The following IMPG2 variants were observed in gnomAD, a reference collection of about 807,000 sequenced individuals.
IMPG2 encodes IPM 200.
IMPG2 carries 91 observed loss-of-function variants against 129.2 expected under a neutral mutation model. The observed-to-expected ratio is 0.70, with a 90% CI of 0.59 to 0.84. IMPG2 has a LOEUF of 0.84. Among genes scored for constraint, IMPG2 ranks in the 40% least tolerant of loss-of-function variants. The probability of loss-of-function intolerance (pLI) is 0.00; values close to 1 mark genes in which losing one functional copy is unlikely to be tolerated. For missense variants in IMPG2, 1,430 were observed against 1,461.7 expected (o/e 0.98, Z 0.35); for synonymous variants, 510 against 517.7 (o/e 0.99, Z 0.20).
intron 2 of IMPG2, among the ~76,000 whole-genome samples, chr3:101,313,964 T>A (rs1261205142): frequency 6.6e-6 from 1 of 152,092 alleles, no homozygotes; most frequent in Non-Finnish European, 1.5e-5. Flanking sequence ...AGAAATTACA[T>A]TTTTTAAAAT....
chr3:101,234,676 A>G (rs1057260777), intron 14 of IMPG2, among the ~76,000 whole-genome samples: 2 of 152,202 alleles, frequency 1.3e-5, no homozygotes, highest in Non-Finnish European at 2.9e-5. Flanking sequence ...TTGTAATCAG[A>G]AAATAATCTG....
chr3:101,309,298 A>G (rs1480723465), intron 2 of IMPG2, among the ~76,000 whole-genome samples: 1 of 152,154 alleles, frequency 6.6e-6, no homozygotes, highest in Non-Finnish European at 1.5e-5. Flanking sequence ...AATTTGCTGT[A>G]TTAGTCCATT....
intron 2 of IMPG2, among the ~76,000 whole-genome samples, chr3:101,312,499 CT>C (rs913334576): frequency 1.3e-5 from 2 of 151,758 alleles, no homozygotes; most frequent in Non-Finnish European, 2.9e-5. Flanking sequence ...AATGGTTATA[CT>C]TTTTTTAAAA....
At position 101,307,466 on chromosome 3, in the gene IMPG2, C is replaced by T. The variant is rs370682034; in HGVS notation, c.335-3154G>A. Reference sequence around the variant, plus strand: ...ACATGGGTGGGGAGGCCTCAGGAAACTTACAATCATGGTGGAAGGGAAGCA... The same window carrying T: ...ACATGGGTGGGGAGGCCTCAGGAAATTTACAATCATGGTGGAAGGGAAGCA... On this transcript the variant is annotated intron_variant, in intron 2 of 18. Transcript: ENST00000193391. Among the ~76,000 whole-genome samples, 17 of 152,270 alleles carry T rather than the reference C, an allele frequency of 1.1e-4. No homozygotes were observed. In the East Asian group the frequency reaches 3.3e-3, roughly 29 times the overall value.
intron 2 of IMPG2, among the ~76,000 whole-genome samples, chr3:101,308,938 T>A (rs1222774990): frequency 1.3e-5 from 2 of 152,278 alleles, no homozygotes; most frequent in Admixed American, 6.5e-5. Flanking sequence ...ATTTCTTCCA[T>A]CAGATACCCT....
intron 4 of IMPG2, among the ~76,000 whole-genome samples, chr3:101,278,937 T>C (rs1002579662): frequency 5.3e-5 from 8 of 152,304 alleles, no homozygotes; most frequent in Non-Finnish European, 8.8e-5. Flanking sequence ...AAGAGGCTTC[T>C]TGGGTTACAG....
chr3:101,292,704 G>A (rs1170694379), intron 3 of IMPG2, among the ~76,000 whole-genome samples: 2 of 152,196 alleles, frequency 1.3e-5, no homozygotes, highest in African/African-American at 4.8e-5. Context: ...CCTGTGATAT[G>A]TAATGCAGTT....
At chr3:101,242,544 G>A in intron 14 of IMPG2, 144 bp downstream of exon 14, 1 of 686,384 alleles carries the variant, frequency 1.5e-6, no homozygotes, top group Non-Finnish European at 2.6e-6. Context: ...TATTTTACTA[G>A]TTACCAAGAT....
chr3:101,262,466 T>G lies in IMPG2; in HGVS notation c.909-4693A>C, dbSNP rs142503355. Among the ~76,000 whole-genome samples the G allele has an allele frequency of 1.2e-4, 18 of 152,148 alleles. 1 individual carries two copies. The highest frequency in any genetic ancestry group is 4.1e-4 in the African/African-American group (17 of 41,542). On this transcript the variant is annotated intron_variant, in intron 9 of 18. Transcript: ENST00000193391. ...GTACACCCAAAAGTTACAAATAAAT[T>G]TTATCAGCTGGTTAATTCCTGACAA...
chr3:101,256,321 C>T (rs1706609618), intron 10 of IMPG2, among the ~76,000 whole-genome samples: 1 of 151,898 alleles, frequency 6.6e-6, no homozygotes, highest in Non-Finnish European at 1.5e-5. Context: ...CTCTCTCACA[C>T]ACACACATAC....
chr3:101,284,756 C>T (rs1018637886), intron 4 of IMPG2, among the ~76,000 whole-genome samples: 2 of 152,174 alleles, frequency 1.3e-5, no homozygotes, highest in African/African-American at 4.8e-5. Context: ...CATCTGCTTA[C>T]TGTAGTTACC....
intron 13 of IMPG2, 103 bp downstream of exon 13, chr3:101,243,426 C>A: frequency 1.0e-6 from 1 of 986,934 alleles, no homozygotes; most frequent in South Asian, 1.4e-5. Flanking sequence ...ATGTTCACAG[C>A]AGATCACACT....
Position 101,306,687 on chromosome 3 carries a change from A to ATTTTTTT in IMPG2, c.335-2376_335-2375insAAAAAAA, listed in dbSNP as rs1443140448. Among the ~76,000 whole-genome samples, 188 of 152,308 alleles carry ATTTTTTT rather than the reference A, an allele frequency of 1.2e-3. 1 individual carries two copies. Among genetic ancestry groups the ATTTTTTT allele is most frequent in the Non-Finnish European group, 1.2e-3 (85 of 68,012 alleles). On this transcript the variant is annotated intron_variant, in intron 2 of 18. Transcript: ENST00000193391. ...AAAACAATGTTTGAAAAAAATAACT[A>ATTTTTTT]TCTACCCATAGGGAAAGAAAAAATA...
In IMPG2 at chr3:101,222,704, T is replaced by G. The variant is rs1706177436; in HGVS notation, c.*4265A>C. ...AATAGTACAGTTAACATGAATTTATTTGATTCAAACCCTGGATAAAATGTC... is the reference window on the plus strand; with the variant it reads ...AATAGTACAGTTAACATGAATTTATGTGATTCAAACCCTGGATAAAATGTC... On this transcript the variant is annotated 3_prime_UTR_variant, in exon 19 of 19. Transcript: ENST00000193391. The G allele has an allele frequency of 6.6e-6, 1 of 152,212 alleles. No homozygotes were observed. Among genetic ancestry groups the G allele is most frequent in the Non-Finnish European group, 1.5e-5 (1 of 68,030 alleles). 9.4% of individuals were successfully genotyped at this position (152,212 alleles called of 1,614,324 possible).
chr3:101,242,337 T>C (rs1706417687), intron 14 of IMPG2, among the ~76,000 whole-genome samples: 1 of 152,282 alleles, frequency 6.6e-6, no homozygotes, highest in South Asian at 2.1e-4. Flanking sequence ...ACAATGCACA[T>C]GGATGCAAAA....
At chr3:101,259,342 A>G (rs760671689) in intron 9 of IMPG2, among the ~76,000 whole-genome samples, 2 of 152,190 alleles carry the variant, frequency 1.3e-5, no homozygotes, top group Non-Finnish European at 1.5e-5. Context: ...GCAGCAAACT[A>G]TTCTCAAAAC....
intron 2 of IMPG2, among the ~76,000 whole-genome samples, chr3:101,311,396 A>T (rs1226696915): frequency 6.6e-6 from 1 of 152,172 alleles, no homozygotes; most frequent in African/African-American, 2.4e-5. Context: ...ACTGATATAC[A>T]AAAATCAGTT....
intron 2 of IMPG2, among the ~76,000 whole-genome samples, chr3:101,314,580 T>A (rs1037105283): frequency 6.6e-6 from 1 of 152,106 alleles, no homozygotes; most frequent in South Asian, 2.1e-4. Context: ...CTAACTTCTA[T>A]CACCCCAGGC....
intron 14 of IMPG2, among the ~76,000 whole-genome samples, chr3:101,239,563 T>C (rs1032135024): frequency 6.6e-6 from 1 of 152,006 alleles, no homozygotes; most frequent in East Asian, 1.9e-4. Flanking sequence ...ATACCTCCCA[T>C]TGCTGCCTAT....
Sources: gnomAD v4.1 joint callset for allele counts (sites outside exome capture counted in the v4.1 genomes callset) on GRCh38, gnomAD v4.1.1 for gene constraint, MANE v1.5 for transcripts, NCBI Gene and HGNC (gene_info 2026-07-23, HGNC 2026-07-21) for gene names.